The following CCDC7 variants were observed in gnomAD, a reference collection of about 807,000 sequenced individuals.
CCDC7 encodes coiled-coil domain-containing protein 7.
A neutral mutation model predicts 196.9 loss-of-function variants in CCDC7; 183 were observed. That is an observed-to-expected ratio of 0.93 (90% confidence interval 0.82 to 1.05). The LOEUF is 1.05. Among genes scored for constraint, CCDC7 ranks in the 50% least tolerant of loss-of-function variants. The probability of loss-of-function intolerance (pLI) is 0.00; values close to 1 mark genes in which losing one functional copy is unlikely to be tolerated. For missense variants in CCDC7, 1,540 were observed against 1,482.2 expected (o/e 1.04, Z -0.64); for synonymous variants, 525 against 484.6 (o/e 1.08, Z -1.10).
At chr10:32,639,748 C>T (rs983757071) in intron 20 of CCDC7, among the ~76,000 whole-genome samples, 1 of 151,968 alleles carries the variant, frequency 6.6e-6, no homozygotes, top group African/African-American at 2.4e-5. Flanking sequence ...CTGCCTCAGC[C>T]TCTCCGAGTA....
chr10:32,536,254 A>C (rs2050478849), intron 11 of CCDC7, among the ~76,000 whole-genome samples: 1 of 152,132 alleles, frequency 6.6e-6, no homozygotes, highest in Non-Finnish European at 1.5e-5. Context: ...TGGAGCAGTT[A>C]GTCTATGATC....
In CCDC7 at chr10:32,595,405, A is replaced by C. The variant is rs550167155; in HGVS notation, c.1801+11101A>C. 1.4e-4 allele frequency among the ~76,000 whole-genome samples: 22 copies of C among 152,024 alleles called. No individual in the cohort carries two copies. In the East Asian group the frequency reaches 3.9e-3, roughly 27 times the overall value. ...GGATTGGTGGTGATATCCCCTTTAT[A>C]ATTTTTTATTGCGTCTATTTGATTC... is the stretch of plus-strand genomic sequence containing the variant. On this transcript the variant is annotated intron_variant, in intron 18 of 41. Transcript: ENST00000639629.
At chr10:32,657,425 A>C (rs911500123) in intron 20 of CCDC7, among the ~76,000 whole-genome samples, 2 of 152,120 alleles carry the variant, frequency 1.3e-5, no homozygotes, top group Non-Finnish European at 2.9e-5. Context: ...CCCAAATCTC[A>C]ATTCTTGACT....
intron 21 of CCDC7, among the ~76,000 whole-genome samples, chr10:32,671,941 A>C (rs1416033931): frequency 6.6e-6 from 1 of 152,182 alleles, no homozygotes; most frequent in African/African-American, 2.4e-5. Context: ...GGCAATGACT[A>C]TTAAAGTTCT....
At chr10:32,882,186 T>C (rs1436580886) in intron 22 of CCDC7, among the ~76,000 whole-genome samples, 1 of 152,196 alleles carries the variant, frequency 6.6e-6, no homozygotes, top group African/African-American at 2.4e-5. Flanking sequence ...TAAGAATTTA[T>C]AGACAAAGAG....
chr10:32,581,387 A>G (rs977770435), intron 16 of CCDC7, among the ~76,000 whole-genome samples: 2 of 152,068 alleles, frequency 1.3e-5, no homozygotes, highest in African/African-American at 2.4e-5. Context: ...GCTGCCTTCT[A>G]TAGTCATCAT....
intron 29 of CCDC7, among the ~76,000 whole-genome samples, chr10:32,783,669 G>C (rs536777148): frequency 9.9e-5 from 15 of 152,282 alleles, no homozygotes; most frequent in South Asian, 6.2e-4. Context: ...AGACCCAAAA[G>C]AATTGAAAAC....
chr10:32,668,059 T>C (rs2073206677), intron 21 of CCDC7, among the ~76,000 whole-genome samples: 1 of 152,146 alleles, frequency 6.6e-6, no homozygotes, highest in Admixed American at 6.6e-5. Flanking sequence ...CAGTGGTTTG[T>C]AGTTCTCCTT....
chr10:32,725,777 T>C lies in CCDC7; in HGVS notation c.2570-957T>C, dbSNP rs76333206. Among the ~76,000 whole-genome samples, 322 of 152,040 alleles carry C rather than the reference T, an allele frequency of 2.1e-3. 1 individual carries two copies. The highest frequency in any genetic ancestry group is 6.8e-3 in the African/African-American group (283 of 41,486). ...AACAACCAGATTTTATGTGAACTCATTACCATAGAGAGGGCACCAAGCCAT... is the reference window on the plus strand; with the variant it reads ...AACAACCAGATTTTATGTGAACTCACTACCATAGAGAGGGCACCAAGCCAT... On this transcript the variant is annotated intron_variant, in intron 25 of 41. Coordinates refer to ENST00000639629, the Ensembl canonical transcript of CCDC7.
At chr10:32,826,593 G>A (rs941328439) in intron 32 of CCDC7, among the ~76,000 whole-genome samples, 4 of 152,212 alleles carry the variant, frequency 2.6e-5, no homozygotes, top group Non-Finnish European at 5.9e-5. Context: ...TCAAATGCCC[G>A]TGGTCCCCAC....
chr10:32,828,549 GAAGAAGAAGA>G (rs2091732635), intron 32 of CCDC7, among the ~76,000 whole-genome samples: 9 of 148,002 alleles, frequency 6.1e-5, no homozygotes, highest in Admixed American at 2.7e-4. Context: ...AGAAGAAGAA[GAAGAAGAAGA>G]AAGAAGAAGA....
intron 28 of CCDC7, among the ~76,000 whole-genome samples, chr10:32,739,876 G>T (rs1420357647): frequency 6.6e-6 from 1 of 150,510 alleles, no homozygotes; most frequent in African/African-American, 2.4e-5. Context: ...CCACCAAACT[G>T]CTGTTTCTGG....
chr10:32,729,233 A>G (rs2083554261), intron 27 of CCDC7, 99 bp from the exon 29 acceptor site: 4 of 1,224,472 alleles, frequency 3.3e-6, no homozygotes, highest in East Asian at 2.5e-5. Flanking sequence ...CATGAAAACT[A>G]TTCACATGAT....
At chr10:32,836,310 CA>C (rs2092595437) in intron 33 of CCDC7, among the ~76,000 whole-genome samples, 1 of 151,944 alleles carries the variant, frequency 6.6e-6, no homozygotes, top group Non-Finnish European at 1.5e-5. Flanking sequence ...GTAAAATAGT[CA>C]AAAGAAATCA....
chr10:32,823,515 C>T (rs144944677), intron 31 of CCDC7, among the ~76,000 whole-genome samples: 7 of 152,228 alleles, frequency 4.6e-5, no homozygotes, highest in African/African-American at 1.4e-4. Flanking sequence ...TATATTTGGG[C>T]TGCCATGATA....
intron 21 of CCDC7, among the ~76,000 whole-genome samples, chr10:32,672,414 G>T (rs11597544): frequency 0.14 from 21,547 of 152,050 alleles, 1,875 homozygotes; most frequent in African/African-American, 0.25. Context: ...CTGAGGTGTG[G>T]GTGGGTTCAA....
intron 16 of CCDC7, 60 bp downstream of exon 17, chr10:32,571,953 T>C: frequency 7.1e-7 from 1 of 1,418,268 alleles, no homozygotes; most frequent in African/African-American, 1.5e-5. Context: ...TTCACATACC[T>C]AAGCAATGAA....
chr10:32,557,190 AT>A (rs1362038986), intron 13 of CCDC7, among the ~76,000 whole-genome samples: 1 of 149,252 alleles, frequency 6.7e-6, no homozygotes, highest in African/African-American at 2.5e-5. Flanking sequence ...CTTGGCTTTC[AT>A]TTTTTTCTGC....
At chr10:32,682,787 T>C (rs532397533) in intron 21 of CCDC7, among the ~76,000 whole-genome samples, 2 of 152,334 alleles carry the variant, frequency 1.3e-5, no homozygotes, top group East Asian at 3.9e-4. Context: ...GCAGCATGTA[T>C]ATCTTCTTTT....
Sources: allele counts gnomAD v4.1 joint callset (sites outside exome capture counted in the v4.1 genomes callset), GRCh38; gene constraint gnomAD v4.1.1; transcripts MANE v1.5; gene names NCBI Gene and HGNC (gene_info 2026-07-23, HGNC 2026-07-21).